The following PCSK9 variants were observed in gnomAD, a reference collection of about 807,000 sequenced individuals.
The protein encoded by PCSK9 is proprotein convertase subtilisin/kexin type 9.
PCSK9 carries 57 observed loss-of-function variants against 62.1 expected under a neutral mutation model. The ratio of observed to expected loss-of-function variants is 0.92; its 90% CI spans 0.74 to 1.14. The LOEUF is 1.14. Among genes scored for constraint, PCSK9 ranks in the 50% most tolerant of loss-of-function variants. The pLI, the probability that PCSK9 is intolerant of heterozygous loss-of-function variation, is 0.00. For synonymous variants in PCSK9, 387 were observed against 409.4 expected, an observed-to-expected ratio of 0.95 and a Z score of 0.66; for missense variants, 870 against 959.8, an observed-to-expected ratio of 0.91 and a Z score of 1.24.
At chr1:55,060,103 G>C (rs772476377) in intron 10 of PCSK9, among the ~76,000 whole-genome samples, 30 of 152,274 alleles carry the variant, frequency 2.0e-4, no homozygotes, top group African/African-American at 2.4e-5. Flanking sequence ...ATGAGGAAAT[G>C]ATGAGTGCTA....
At chr1:55,041,780 A>G (rs1024239559) in intron 1 of PCSK9, among the ~76,000 whole-genome samples, 1 of 152,082 alleles carries the variant, frequency 6.6e-6, no homozygotes, top group African/African-American at 2.4e-5. Flanking sequence ...AATTCATTCA[A>G]TTTTTATTTA....
chr1:55,049,405 C>G (rs1404952602), intron 3 of PCSK9, among the ~76,000 whole-genome samples: 1 of 152,250 alleles, frequency 6.6e-6, no homozygotes, highest in African/African-American at 2.4e-5. Flanking sequence ...AATGAGCTCC[C>G]TGCTCTGGAG....
intron 5 of PCSK9, among the ~76,000 whole-genome samples, chr1:55,054,109 C>T (rs1217275570): frequency 6.6e-6 from 1 of 152,162 alleles, no homozygotes; most frequent in African/African-American, 2.4e-5. Context: ...GTAGGCTGGG[C>T]GCGGTGGCTC....
intron 5 of PCSK9, among the ~76,000 whole-genome samples, chr1:55,054,867 T>C (rs1483364216): frequency 6.6e-6 from 1 of 151,888 alleles, no homozygotes; most frequent in Non-Finnish European, 1.5e-5. Flanking sequence ...TAGCCGGGCG[T>C]GGTGGCAGGC....
chr1:55,046,300 G>C (rs1356232457), intron 2 of PCSK9, among the ~76,000 whole-genome samples: 3 of 152,202 alleles, frequency 2.0e-5, no homozygotes, highest in Admixed American at 2.0e-4. Flanking sequence ...CTCTATGCCA[G>C]ACCGTGTTGC....
Position 55,039,735 on chromosome 1 carries a change from C to A in PCSK9, c.-103C>A. 1 of 1,373,656 alleles carries A rather than the reference C, an allele frequency of 7.3e-7. No individual in the cohort carries two copies. The highest frequency in any genetic ancestry group is 1.0e-6 in the Non-Finnish European group (1 of 990,298). The allele number at this position is 1,373,656 out of a possible 1,614,324, so 85.1% of individuals were successfully genotyped here. A position where few individuals can be genotyped will look rare whatever the true frequency, so the allele number is the denominator to read the frequency against. On this transcript the variant is annotated 5_prime_UTR_variant, in exon 1 of 12. Coordinates refer to ENST00000302118, the MANE Select transcript of PCSK9 (RefSeq NM_174936.4). ...CGCGCCCTGCTCCTGAACTTCAGCTCCTGCACAGTCCTCCCCACCGCAAGG... is the reference window on the plus strand; with the variant it reads ...CGCGCCCTGCTCCTGAACTTCAGCTACTGCACAGTCCTCCCCACCGCAAGG...
At chr1:55,061,317 G>T (rs936122799) in intron 10 of PCSK9, 58 bp from the exon 11 acceptor site, 5 of 1,532,772 alleles carry the variant, frequency 3.3e-6, no homozygotes, top group Non-Finnish European at 4.4e-6. Flanking sequence ...ATGGGGATGG[G>T]CACTGGAGAC....
In PCSK9 at chr1:55,039,657, G is replaced by A. The variant is rs921760495; in HGVS notation, c.-181G>A. 8.4e-6 allele frequency: 6 copies of A among 716,514 alleles called. No individual in the cohort carries two copies. Among genetic ancestry groups the A allele is most frequent in the Non-Finnish European group, 1.4e-5 (6 of 436,502 alleles). The allele number at this position is 716,514 out of a possible 1,614,324, so 44.4% of individuals were successfully genotyped here. A position where few individuals can be genotyped will look rare whatever the true frequency, so the allele number is the denominator to read the frequency against. ...GACTGGCTCGGGCGGGCCGGGACGC[G>A]TCGTTGCAGCAGCGGCTCCCAGCTC... On this transcript the variant is annotated 5_prime_UTR_variant, in exon 1 of 12. Transcript: ENST00000302118.
At chr1:55,052,033 G>T (rs756557400) in intron 3 of PCSK9, 4 of 573,408 alleles carry the variant, frequency 7.0e-6, no homozygotes, top group Non-Finnish European at 1.3e-5. Flanking sequence ...GTCCTTCTTG[G>T]CAGTAGCATT....
chr1:55,059,492 G>T lies in PCSK9; in HGVS notation c.1510G>T (p.Gly504Trp), dbSNP rs374455190. 9.6e-6 allele frequency: 15 copies of T among 1,564,068 alleles called. No homozygotes were observed. The highest frequency in any genetic ancestry group is 2.3e-5 in the East Asian group (1 of 42,740). Residue 504 changes from glycine (G) to tryptophan (W), a missense_variant, in exon 10 of 12, where the codon GGG (glycine) becomes TGG (tryptophan). Coordinates refer to ENST00000302118, the MANE Select transcript of PCSK9 (RefSeq NM_174936.4). ...KRRGERMEAQGGKLVCRAHNA... is the reference protein window; with the variant it reads ...KRRGERMEAQWGKLVCRAHNA... ...TTCCGTCTTTGACTCTAAGGCCCAA[G>T]GGGGCAAGCTGGTCTGCCGGGCCCA... is the stretch of plus-strand genomic sequence containing the variant.
At chr1:55,053,395 A>T (rs41294825) in intron 5 of PCSK9, among the ~76,000 whole-genome samples, 13,542 of 152,208 alleles carry the variant, frequency 0.089, 1,042 homozygotes, top group African/African-American at 0.2. Context: ...TTCTGTGGCC[A>T]GACATTGAGC....
intron 2 of PCSK9, 59 bp from the exon 3 acceptor site, chr1:55,046,464 G>A (rs1164265901): frequency 1.9e-6 from 3 of 1,613,720 alleles, no homozygotes; most frequent in Non-Finnish European, 2.5e-6. Context: ...GGCTGTGGCT[G>A]TGTTTGCTGC....
rs971757977 is a variant in PCSK9 at position 55,039,949 on chromosome 1, T to C, written c.112T>C (p.Tyr38His). Reference sequence around the variant, plus strand: ...TGCGCAGGAGGACGAGGACGGCGACTACGAGGAGCTGGTGCTAGCCTTGCG... The same window carrying C: ...TGCGCAGGAGGACGAGGACGGCGACCACGAGGAGCTGGTGCTAGCCTTGCG... ...ARAQEDEDGD[Y>H]EELVLALRSE... The change falls in exon 1 of 12, where the codon TAC becomes CAC. Residue 38 changes from tyrosine to histidine, a missense_variant. Tyr to His is a moderately conservative substitution (Grantham distance 83). Coordinates refer to ENST00000302118, the MANE Select transcript of PCSK9 (RefSeq NM_174936.4). 1.3e-6 allele frequency: 2 copies of C among 1,575,440 alleles called. No homozygotes were observed. The highest frequency in any genetic ancestry group is 1.7e-6 in the Non-Finnish European group (2 of 1,161,664).
rs1644777579 is a variant in PCSK9 at position 55,063,430 on chromosome 1, C to T, written c.1925C>T (p.Ser642Phe). The change falls in exon 12 of 12, where the codon TCC (serine) becomes TTC (phenylalanine). Residue 642 changes from serine to phenylalanine, a missense_variant. Transcript: ENST00000302118. ...LTGCSALPGT[S>F]HVLGAYAVDN... ...GGCTGCAGTGCCCTCCCTGGGACCTCCCACGTCCTGGGGGCCTACGCCGTA... is the reference window on the plus strand; with the variant it reads ...GGCTGCAGTGCCCTCCCTGGGACCTTCCACGTCCTGGGGGCCTACGCCGTA... 12 of 1,614,010 alleles carry T rather than the reference C, an allele frequency of 7.4e-6. No homozygotes were observed. The highest frequency in any genetic ancestry group is 1.7e-4 in the Middle Eastern group (1 of 6,034).
Position 55,040,047 on chromosome 1 carries a change from G to C in PCSK9, c.207+3G>C. On this transcript the variant is annotated splice_donor_region_variant and intron_variant, in intron 1 of 11. Coordinates refer to ENST00000302118, the MANE Select transcript of PCSK9 (RefSeq NM_174936.4). The surrounding 1 kb of genome is among the most constrained non-coding windows in gnomAD (Gnocchi z 4.1). ...CCACCTTCCACCGCTGCGCCAAGGTGCGGGTGTAGGGATGGGAGGCCGGGG... is the reference window on the plus strand; with the variant it reads ...CCACCTTCCACCGCTGCGCCAAGGTCCGGGTGTAGGGATGGGAGGCCGGGG... The C allele has an allele frequency of 6.4e-7, 1 of 1,559,964 alleles. No individual in the cohort carries two copies. The highest frequency in any genetic ancestry group is 8.7e-7 in the Non-Finnish European group (1 of 1,152,662).
intron 3 of PCSK9, chr1:55,051,747 G>A: frequency 4.3e-6 from 1 of 234,650 alleles, no homozygotes. Context: ...CTGGTATCTT[G>A]TGGAGTGGAG....
At chr1:55,055,329 A>T (rs1436877284) in intron 5 of PCSK9, among the ~76,000 whole-genome samples, 1 of 150,750 alleles carries the variant, frequency 6.6e-6, no homozygotes, top group Non-Finnish European at 1.5e-5. Context: ...TGGCGGGGGA[A>T]GTTGGGTGGG....
chr1:55,039,936 C>T lies in PCSK9; in HGVS notation c.99C>T (p.Asp33=). ...LGPAGARAQE[D]EDGDYEELVL... ...CCGCGGGCGCCCGTGCGCAGGAGGA[C>T]GAGGACGGCGACTACGAGGAGCTGG... Residue 33 remains aspartate, a synonymous_variant, in exon 1 of 12, where the codon GAC becomes GAT. Transcript: ENST00000302118. The T allele has an allele frequency of 1.9e-6, 3 of 1,572,456 alleles. No homozygotes were observed. The highest frequency in any genetic ancestry group is 2.3e-5 in the East Asian group (1 of 42,632).
Position 55,056,207 on chromosome 1 carries a change from T to C in PCSK9, c.996+18T>C. Reference sequence around the variant, plus strand: ...CTCCCGAGGTAGGTGCTGGGGCTGCTGCCCCAAGGCGCGGGTAGGGGGCGG... The same window carrying C: ...CTCCCGAGGTAGGTGCTGGGGCTGCCGCCCCAAGGCGCGGGTAGGGGGCGG... On this transcript the variant is annotated intron_variant, in intron 6 of 11. Coordinates refer to ENST00000302118, the MANE Select transcript of PCSK9 (RefSeq NM_174936.4). The C allele has an allele frequency of 1.0e-6, 1 of 976,130 alleles. No homozygotes were observed. The highest frequency in any genetic ancestry group is 1.2e-6 in the Non-Finnish European group (1 of 821,988). 60.5% of individuals were successfully genotyped at this position (976,130 alleles called of 1,614,324 possible).
Sources: allele counts gnomAD v4.1 joint callset (sites outside exome capture counted in the v4.1 genomes callset), GRCh38; gene constraint gnomAD v4.1.1; non-coding constraint Gnocchi (gnomAD v3.1); transcripts MANE v1.5; gene names NCBI Gene and HGNC (gene_info 2026-07-23, HGNC 2026-07-21).